Variants in SGCZ observed in about 807,000 individuals in gnomAD.
SGCZ encodes sarcoglycan zeta.
A neutral mutation model predicts 41.3 loss-of-function variants in SGCZ; 40 were observed. That is an observed-to-expected ratio of 0.97 (90% confidence interval 0.75 to 1.26). SGCZ has a LOEUF of 1.26. Ranked by LOEUF, SGCZ falls within the 50% of genes most tolerant of loss-of-function variation. The pLI is 0.00. For synonymous variants in SGCZ, 206 were observed against 137.5 expected (o/e 1.50, Z -3.49); for missense variants, 552 against 369.8 (o/e 1.49, Z -4.04).
chr8:14,696,095 C>T (rs555678681), intron 1 of SGCZ, among the ~76,000 whole-genome samples: 28 of 152,046 alleles, frequency 1.8e-4, no homozygotes, highest in African/African-American at 5.8e-4. Flanking sequence ...AGTTGTATTT[C>T]GGTTGCTTTT....
At chr8:14,628,678 A>G (rs987356524) in intron 1 of SGCZ, among the ~76,000 whole-genome samples, 1 of 152,098 alleles carries the variant, frequency 6.6e-6, no homozygotes, top group Admixed American at 6.6e-5. Flanking sequence ...ACAATGTAAA[A>G]CAATATTTAC....
At position 15,142,994 on chromosome 8, in the gene SGCZ, T is replaced by C. The variant is rs80260351; in HGVS notation, c.39+94591A>G. Reference sequence around the variant, plus strand: ...TATTATGCTAAGGGTTAACCTATAGTTTTGAGAAGGACGTACTGTCCTAGA... The same window carrying C: ...TATTATGCTAAGGGTTAACCTATAGCTTTGAGAAGGACGTACTGTCCTAGA... On this transcript the variant is annotated intron_variant, in intron 1 of 7. Transcript: ENST00000382080. Among the ~76,000 whole-genome samples, 1,312 of 152,288 alleles carry C rather than the reference T, an allele frequency of 8.6e-3. 80 individuals are homozygous for C. The East Asian group carries it at 0.15, about 17-fold the overall frequency.
chr8:14,772,112 A>C (rs1044570252), intron 1 of SGCZ, among the ~76,000 whole-genome samples: 2 of 152,142 alleles, frequency 1.3e-5, no homozygotes, highest in African/African-American at 4.8e-5. Flanking sequence ...AGTTACCTGA[A>C]ACATTCAACA....
chr8:15,065,099 C>T (rs1385041866), intron 1 of SGCZ, among the ~76,000 whole-genome samples: 1 of 152,074 alleles, frequency 6.6e-6, no homozygotes, highest in Non-Finnish European at 1.5e-5. Context: ...GATAATTTCC[C>T]CTTGGTCTCA....
chr8:14,285,035 T>G (rs925410896), intron 3 of SGCZ, among the ~76,000 whole-genome samples: 4 of 152,156 alleles, frequency 2.6e-5, no homozygotes, highest in African/African-American at 9.7e-5. Context: ...ATTGGACAGA[T>G]AGAGTGAGAG....
intron 1 of SGCZ, among the ~76,000 whole-genome samples, chr8:14,956,060 A>C (rs1171329625): frequency 2.5e-5 from 1 of 39,742 alleles, no homozygotes; most frequent in African/African-American, 1.1e-4. Flanking sequence ...TTTTTTTTTG[A>C]GACGGAGTTT....
At chr8:14,891,751 T>G (rs973898517) in intron 1 of SGCZ, among the ~76,000 whole-genome samples, 1 of 152,184 alleles carries the variant, frequency 6.6e-6, no homozygotes, top group African/African-American at 2.4e-5. Flanking sequence ...AGTCAATCAA[T>G]GCAGCAGACT....
At chr8:14,934,179 T>A (rs765107782) in intron 1 of SGCZ, among the ~76,000 whole-genome samples, 10 of 152,110 alleles carry the variant, frequency 6.6e-5, no homozygotes, top group Non-Finnish European at 1.5e-4. Flanking sequence ...CTAAAGAATA[T>A]GTATTCATAA....
At chr8:14,632,163 C>T (rs1806676922) in intron 1 of SGCZ, among the ~76,000 whole-genome samples, 2 of 151,908 alleles carry the variant, frequency 1.3e-5, no homozygotes, top group Non-Finnish European at 2.9e-5. Context: ...GGACTACAGG[C>T]ATGCGCCACC....
At chr8:14,369,035 G>C (rs894577163) in intron 2 of SGCZ, among the ~76,000 whole-genome samples, 1 of 151,564 alleles carries the variant, frequency 6.6e-6, no homozygotes, top group African/African-American at 2.4e-5. Flanking sequence ...GTGTGTGTGT[G>C]TGTGTGTGTG....
chr8:15,085,421 A>G (rs1419086449), intron 1 of SGCZ, among the ~76,000 whole-genome samples: 1 of 152,176 alleles, frequency 6.6e-6, no homozygotes, highest in Non-Finnish European at 1.5e-5. Context: ...CGATGGGTCC[A>G]TTCATCAGGA....
chr8:14,339,213 T>C (rs1802612240), intron 2 of SGCZ, among the ~76,000 whole-genome samples: 1 of 152,176 alleles, frequency 6.6e-6, no homozygotes, highest in Non-Finnish European at 1.5e-5. Context: ...CTTAAAGTAT[T>C]TGTAAACAAC....
chr8:14,133,849 C>A (rs571625612), intron 5 of SGCZ, among the ~76,000 whole-genome samples: 28 of 152,250 alleles, frequency 1.8e-4, no homozygotes, highest in South Asian at 4.1e-4. Flanking sequence ...ATTACCACTA[C>A]ATTATACTGC....
intron 3 of SGCZ, among the ~76,000 whole-genome samples, chr8:14,265,332 C>T (rs1202027746): frequency 6.6e-6 from 1 of 152,102 alleles, no homozygotes; most frequent in Admixed American, 6.6e-5. Context: ...CAAAAGACGT[C>T]ATTTTCTTTA....
chr8:14,674,391 T>C (rs1808205151), intron 1 of SGCZ, among the ~76,000 whole-genome samples: 1 of 152,132 alleles, frequency 6.6e-6, no homozygotes. Context: ...TTTTTAAGAT[T>C]AAATTTACAA....
At chr8:14,599,431 C>A (rs1805517340) in intron 1 of SGCZ, among the ~76,000 whole-genome samples, 1 of 152,204 alleles carries the variant, frequency 6.6e-6, no homozygotes, top group Non-Finnish European at 1.5e-5. Context: ...TGGAAAGTCA[C>A]ACAGCCACTC....
At chr8:14,698,541 G>T (rs1263386661) in intron 1 of SGCZ, among the ~76,000 whole-genome samples, 2 of 151,802 alleles carry the variant, frequency 1.3e-5, no homozygotes, top group African/African-American at 4.8e-5. Context: ...TAGAAATTTA[G>T]CATGAGACAA....
At chr8:14,369,834 A>G (rs1269150906) in intron 2 of SGCZ, among the ~76,000 whole-genome samples, 1 of 151,992 alleles carries the variant, frequency 6.6e-6, no homozygotes, top group East Asian at 1.9e-4. Context: ...GATTATTTAG[A>G]ATATAAAGGA....
chr8:15,193,971 T>C (rs1305436473), intron 1 of SGCZ, among the ~76,000 whole-genome samples: 1 of 152,212 alleles, frequency 6.6e-6, no homozygotes, highest in Admixed American at 6.5e-5. Flanking sequence ...GGGCAAATTC[T>C]CAGTGGCATT....
Sources: gnomAD v4.1 joint callset for allele counts (sites outside exome capture counted in the v4.1 genomes callset) on GRCh38, gnomAD v4.1.1 for gene constraint, MANE v1.5 for transcripts, NCBI Gene and HGNC (gene_info 2026-07-23, HGNC 2026-07-21) for gene names.